The following TLN2 variants were observed in gnomAD, a reference collection of about 807,000 sequenced individuals.
TLN2 encodes the protein talin-2.
A neutral mutation model predicts 294.7 loss-of-function variants in TLN2; 118 were observed. The observed-to-expected ratio is 0.40, with a 90% CI of 0.34 to 0.47. The LOEUF is 0.47. TLN2 is among the 20% of genes least tolerant of loss of function. TLN2 has a pLI of 0.84. For synonymous variants in TLN2, 1,431 were observed against 1,304.5 expected (o/e 1.10, Z -2.09); for missense variants, 3,083 against 3,282.2 (o/e 0.94, Z 1.48).
intron 1 of TLN2, among the ~76,000 whole-genome samples, chr15:62,533,461 T>G (rs1464298634): frequency 6.6e-6 from 1 of 151,924 alleles, no homozygotes; most frequent in East Asian, 1.9e-4. Context: ...TAGCTTATGT[T>G]TAGTTGTAAG....
chr15:62,811,612 A>T (rs758042576), intron 52 of TLN2, among the ~76,000 whole-genome samples: 1 of 152,230 alleles, frequency 6.6e-6, no homozygotes, highest in African/African-American at 2.4e-5. Context: ...CCACTGTGTT[A>T]TCTGGGGTGC....
chr15:62,595,570 A>G (rs575863933), intron 2 of TLN2, among the ~76,000 whole-genome samples: 70 of 152,352 alleles, frequency 4.6e-4, no homozygotes, highest in African/African-American at 1.6e-3. Flanking sequence ...GAACTTCTAT[A>G]TGATCCCTTA....
intron 1 of TLN2, among the ~76,000 whole-genome samples, chr15:62,521,330 G>A (rs1228690477): frequency 2.0e-5 from 3 of 152,138 alleles, no homozygotes; most frequent in Non-Finnish European, 2.9e-5. Flanking sequence ...TAGGGTTAGG[G>A]TGTTGTTAAC....
At chr15:62,688,442 G>T (rs1260970186) in intron 12 of TLN2, among the ~76,000 whole-genome samples, 4 of 152,064 alleles carry the variant, frequency 2.6e-5, no homozygotes, top group Non-Finnish European at 5.9e-5. Flanking sequence ...TTTGGTGAGT[G>T]TTCTACGAGT....
chr15:62,828,677 G>A (rs2068457864), intron 54 of TLN2: 1 of 152,260 alleles, frequency 6.6e-6, no homozygotes, highest in South Asian at 2.1e-4. Context: ...GTCCACCAGG[G>A]CTCAGGAGTG....
chr15:62,645,794 G>T (rs890544252), intron 3 of TLN2, among the ~76,000 whole-genome samples: 21 of 152,132 alleles, frequency 1.4e-4, no homozygotes, highest in Admixed American at 1.4e-3. Flanking sequence ...AAATACCTGT[G>T]GATTGATGTT....
intron 1 of TLN2, among the ~76,000 whole-genome samples, chr15:62,586,394 A>G (rs1229014251): frequency 1.3e-5 from 2 of 152,244 alleles, no homozygotes; most frequent in Non-Finnish European, 2.9e-5. Flanking sequence ...GAAGGGGGTT[A>G]ATTAGATTTG....
intron 1 of TLN2, among the ~76,000 whole-genome samples, chr15:62,456,366 C>T (rs1438765247): frequency 2.6e-5 from 4 of 152,166 alleles, no homozygotes; most frequent in East Asian, 1.9e-4. Flanking sequence ...CAGCCTCAGC[C>T]GCACGGAAGG....
At chr15:62,548,259 TGAG>T (rs1275844696) in intron 1 of TLN2, among the ~76,000 whole-genome samples, 1 of 151,898 alleles carries the variant, frequency 6.6e-6, no homozygotes, top group Non-Finnish European at 1.5e-5. Context: ...GACACACAAA[TGAG>T]GAGCTAGGAG....
intron 2 of TLN2, among the ~76,000 whole-genome samples, chr15:62,594,925 A>G (rs1484107669): frequency 6.6e-6 from 1 of 152,256 alleles, no homozygotes. Flanking sequence ...ACTATGCAAA[A>G]TATATGAAGA....
chr15:62,611,545 A>G (rs1373925637), intron 2 of TLN2, among the ~76,000 whole-genome samples: 1 of 152,164 alleles, frequency 6.6e-6, no homozygotes, highest in Non-Finnish European at 1.5e-5. Flanking sequence ...CATCCCACCA[A>G]GTGGTTGCCC....
At chr15:62,517,663 C>G (rs1345428460) in intron 1 of TLN2, among the ~76,000 whole-genome samples, 1 of 152,178 alleles carries the variant, frequency 6.6e-6, no homozygotes, top group Non-Finnish European at 1.5e-5. Context: ...TTTTAAAAGT[C>G]AAACACACCG....
At chr15:62,707,021 A>AT (rs2059117233) in intron 19 of TLN2, 65 bp from the exon 20 acceptor site, 1 of 1,491,494 alleles carries the variant, frequency 6.7e-7, no homozygotes, top group Non-Finnish European at 9.0e-7. Flanking sequence ...AATAACGTTT[A>AT]TTTTCAGGCT....
intron 6 of TLN2, 140 bp from the exon 7 acceptor site, chr15:62,653,022 A>G: frequency 1.9e-6 from 1 of 531,420 alleles, no homozygotes; most frequent in South Asian, 5.3e-5. Flanking sequence ...TGATGTGGCC[A>G]CCTCCCTGAC....
chr15:62,770,877 C>G (rs2063311420), intron 41 of TLN2, 87 bp from the exon 42 acceptor site: 1 of 1,494,224 alleles, frequency 6.7e-7, no homozygotes, highest in Non-Finnish European at 8.9e-7. Context: ...CAGTCCTGTT[C>G]CCCTCCCGCG....
chr15:62,810,782 G>A (rs995503406), intron 52 of TLN2, among the ~76,000 whole-genome samples: 1 of 152,150 alleles, frequency 6.6e-6, no homozygotes, highest in Non-Finnish European at 1.5e-5. Flanking sequence ...AAGGTCTAGG[G>A]CAGGCCTCCA....
At chr15:62,646,176 T>C (rs1163754830) in intron 3 of TLN2, among the ~76,000 whole-genome samples, 1 of 152,106 alleles carries the variant, frequency 6.6e-6, no homozygotes, top group Non-Finnish European at 1.5e-5. Context: ...TTTCTTTTTT[T>C]TTTTGAGACA....
intron 50 of TLN2, among the ~76,000 whole-genome samples, chr15:62,803,152 C>T (rs2066047038): frequency 6.6e-6 from 1 of 152,136 alleles, no homozygotes; most frequent in Admixed American, 6.5e-5. Context: ...GCCCCTCTCT[C>T]CTGGCCTGTA....
intron 1 of TLN2, among the ~76,000 whole-genome samples, chr15:62,499,695 G>T (rs1286111578): frequency 6.6e-6 from 1 of 152,024 alleles, no homozygotes; most frequent in African/African-American, 2.4e-5. Flanking sequence ...TCCACCTCCT[G>T]GGTTCAAGCA....
Sources: gnomAD v4.1 joint callset for allele counts (sites outside exome capture counted in the v4.1 genomes callset) on GRCh38, gnomAD v4.1.1 for gene constraint, MANE v1.5 for transcripts, NCBI Gene and HGNC (gene_info 2026-07-23, HGNC 2026-07-21) for gene names.